The following PRKACB variants were observed in gnomAD, a reference collection of about 807,000 sequenced individuals.
PRKACB encodes the protein cAMP-dependent protein kinase catalytic subunit beta.
A neutral mutation model predicts 51.4 loss-of-function variants in PRKACB; 16 were observed. The observed-to-expected ratio is 0.31, with a 90% CI of 0.21 to 0.47. The LOEUF (loss-of-function observed/expected upper bound fraction) is 0.47. Ranked by LOEUF, PRKACB falls within the 20% of genes least tolerant of loss-of-function variation. PRKACB has a pLI of 1.00. For synonymous variants in PRKACB, 147 were observed against 154.4 expected (o/e 0.95, Z 0.35); for missense variants, 309 against 464.5 (o/e 0.67, Z 3.08).
At chr1:84,177,824 G>A (rs917068731) in intron 1 of PRKACB, among the ~76,000 whole-genome samples, 1 of 151,932 alleles carries the variant, frequency 6.6e-6, no homozygotes, top group African/African-American at 2.4e-5. Context: ...GATTATATTT[G>A]GATGATTAGG....
intron 1 of PRKACB, among the ~76,000 whole-genome samples, chr1:84,135,596 G>A (rs1251405889): frequency 2.0e-5 from 3 of 152,070 alleles, no homozygotes; most frequent in African/African-American, 7.2e-5. Context: ...GACTACAGTG[G>A]AATTAAACTA....
chr1:84,232,054 A>C (rs1259413067), intron 9 of PRKACB, among the ~76,000 whole-genome samples: 2 of 151,934 alleles, frequency 1.3e-5, no homozygotes, highest in Non-Finnish European at 2.9e-5. Flanking sequence ...TCTTGTGGGC[A>C]TTTAGTGCCA....
rs41301148 is a variant in PRKACB at position 84,184,919 on chromosome 1, G to A, written c.478-181G>A. On this transcript the variant is annotated intron_variant, in intron 4 of 9. Coordinates refer to ENST00000370685, the MANE Select transcript of PRKACB (RefSeq NM_182948.4). ...GACTAGTTTGTGGCAAAAATAACTA[G>A]GAGGGGAAAAATATGAGTGTCTCTG... Among the ~76,000 whole-genome samples the A allele has an allele frequency of 4.1e-3, 625 of 152,010 alleles. 2 individuals are homozygous for A. Among genetic ancestry groups the A allele is most frequent in the African/African-American group, 0.014 (585 of 41,552 alleles).
At chr1:84,138,578 ATAGT>A (rs1474130665) in intron 1 of PRKACB, among the ~76,000 whole-genome samples, 3 of 152,226 alleles carry the variant, frequency 2.0e-5, no homozygotes, top group Non-Finnish European at 4.4e-5. Context: ...ACTGTCCCAG[ATAGT>A]TCTGGGAAAT....
intron 1 of PRKACB, 173 bp from the exon 2 acceptor site, chr1:84,179,004 G>T: frequency 1.5e-6 from 1 of 672,606 alleles, no homozygotes; most frequent in Non-Finnish European, 2.2e-6. Context: ...ATTTGAGAAG[G>T]TTCTTAGAGA....
chr1:84,142,992 T>C (rs1281049203), upstream of PRKACB, among the ~76,000 whole-genome samples: 1 of 152,088 alleles, frequency 6.6e-6, no homozygotes, highest in Non-Finnish European at 1.5e-5. Context: ...TTCTTTCCTT[T>C]CCTTCCCTTC....
At chr1:84,103,208 A>G (rs772165262) in intron 1 of PRKACB, among the ~76,000 whole-genome samples, 7 of 152,156 alleles carry the variant, frequency 4.6e-5, no homozygotes, top group Non-Finnish European at 7.3e-5. Context: ...CTTTTCATCT[A>G]GAAGCATAGC....
chr1:84,209,244 A>G (rs377437310), intron 8 of PRKACB, among the ~76,000 whole-genome samples: 1 of 152,136 alleles, frequency 6.6e-6, no homozygotes, highest in Admixed American at 6.5e-5. Context: ...TCATTTTTCC[A>G]GTCCATACCT....
intron 9 of PRKACB, among the ~76,000 whole-genome samples, chr1:84,229,873 T>G (rs1365217457): frequency 6.6e-6 from 1 of 152,134 alleles, no homozygotes; most frequent in East Asian, 1.9e-4. Flanking sequence ...TTTCTCCCAT[T>G]TTGTAGGTTG....
At chr1:84,082,288 A>G (rs1177170708) in intron 1 of PRKACB, among the ~76,000 whole-genome samples, 3 of 152,180 alleles carry the variant, frequency 2.0e-5, no homozygotes, top group Non-Finnish European at 2.9e-5. Context: ...TAAGACACAC[A>G]GAATAGCTTA....
intron 1 of PRKACB, among the ~76,000 whole-genome samples, chr1:84,163,449 A>G (rs1656523314): frequency 6.6e-6 from 1 of 151,922 alleles, no homozygotes; most frequent in Non-Finnish European, 1.5e-5. Flanking sequence ...TTTTTCGTTG[A>G]CAATATCACT....
intron 7 of PRKACB, among the ~76,000 whole-genome samples, chr1:84,199,291 T>C (rs546646028): frequency 1.3e-5 from 2 of 151,964 alleles, no homozygotes; most frequent in African/African-American, 4.8e-5. Flanking sequence ...TTTCTTATCC[T>C]CTCCCTCCTC....
At chr1:84,100,682 A>C (rs567873004) in intron 1 of PRKACB, among the ~76,000 whole-genome samples, 1 of 152,236 alleles carries the variant, frequency 6.6e-6, no homozygotes, top group Non-Finnish European at 1.5e-5. Context: ...AACTCATCAA[A>C]TCTGAAGGAC....
At chr1:84,207,507 G>A (rs1671520619) in intron 8 of PRKACB, among the ~76,000 whole-genome samples, 1 of 152,096 alleles carries the variant, frequency 6.6e-6, no homozygotes, top group South Asian at 2.1e-4. Context: ...TGTCTAATGT[G>A]TATGTTCATT....
At chr1:84,183,501 A>G (rs1053432969) in intron 3 of PRKACB, among the ~76,000 whole-genome samples, 12 of 151,586 alleles carry the variant, frequency 7.9e-5, no homozygotes, top group African/African-American at 4.8e-5. Flanking sequence ...AAAATTGTTC[A>G]TTTTTACTCA....
chr1:84,203,457 A>G (rs913984597), intron 8 of PRKACB, among the ~76,000 whole-genome samples: 1 of 151,836 alleles, frequency 6.6e-6, no homozygotes, highest in Non-Finnish European at 1.5e-5. Flanking sequence ...TGCTTTCAAG[A>G]GTGTTTTGTT....
intron 9 of PRKACB, among the ~76,000 whole-genome samples, chr1:84,230,496 G>A (rs376778497): frequency 6.6e-6 from 1 of 152,126 alleles, no homozygotes; most frequent in East Asian, 1.9e-4. Flanking sequence ...GATGGGGATG[G>A]CATTGAATCT....
At chr1:84,098,893 G>A (rs1236554924) in intron 1 of PRKACB, among the ~76,000 whole-genome samples, 3 of 152,006 alleles carry the variant, frequency 2.0e-5, no homozygotes, top group Non-Finnish European at 2.9e-5. Context: ...ATAATATTTG[G>A]GGTATCAAGG....
rs1375031422 is a variant in PRKACB at position 84,205,304 on chromosome 1, C to G, written c.906+2499C>G. On this transcript the variant is annotated intron_variant, in intron 8 of 9. Transcript: ENST00000370685. ...ATCTGTTTCAAAACTCAAATTCAAA[C>G]TAGAATGTGTCTCTATTCACATTGC... The G allele has an allele frequency of 3.1e-6, 3 of 965,338 alleles. No homozygotes were observed. The Admixed American group carries it at 1.9e-4, about 60-fold the overall frequency. The allele number at this position is 965,338 out of a possible 1,614,324, so 59.8% of individuals were successfully genotyped here. A position where few individuals can be genotyped will look rare whatever the true frequency, so the allele number is the denominator to read the frequency against.
Sources: gnomAD v4.1 joint callset for allele counts (sites outside exome capture counted in the v4.1 genomes callset) on GRCh38, gnomAD v4.1.1 for gene constraint, MANE v1.5 for transcripts, NCBI Gene and HGNC (gene_info 2026-07-23, HGNC 2026-07-21) for gene names.